The following FAM168A variants were observed in gnomAD, a reference collection of about 807,000 sequenced individuals.
FAM168A encodes family with sequence similarity 168 member A, also known as protein FAM168A.
In FAM168A, 3 loss-of-function variants were observed where a neutral mutation model predicts 28.5. The observed-to-expected ratio is 0.11, with a 90% CI of 0.05 to 0.27. FAM168A has a LOEUF of 0.27. Among genes scored for constraint, FAM168A ranks in the 10% least tolerant of loss-of-function variants. FAM168A has a pLI of 1.00. For synonymous variants in FAM168A, 122 were observed against 124.2 expected (o/e 0.98, Z 0.12); for missense variants, 222 against 311.5 (o/e 0.71, Z 2.16).
chr11:73,584,523 G>T (rs1944285775), intron 1 of FAM168A, among the ~76,000 whole-genome samples: 1 of 147,736 alleles, frequency 6.8e-6, no homozygotes, highest in African/African-American at 2.5e-5. Context: ...ACCCAGGCTG[G>T]AGTGCAGTGG....
chr11:73,571,402 T>C (rs920821817), intron 1 of FAM168A, among the ~76,000 whole-genome samples: 15 of 151,704 alleles, frequency 9.9e-5, no homozygotes, highest in African/African-American at 2.9e-4. Flanking sequence ...CGCGCCGCCA[T>C]GCCTGACTGG....
chr11:73,409,707 T>C (rs373487023), intron 5 of FAM168A, 46 bp from the exon 6 acceptor site: 9 of 1,560,044 alleles, frequency 5.8e-6, no homozygotes, highest in African/African-American at 1.4e-5. Context: ...GAGAGGTAGG[T>C]GGGATATGGA....
chr11:73,580,453 C>A (rs1381843220), intron 1 of FAM168A: 2 of 620,834 alleles, frequency 3.2e-6, no homozygotes, highest in African/African-American at 3.7e-5. Flanking sequence ...ATGGGGATAA[C>A]CCTACAGAAA....
rs926471266 is a variant in FAM168A, at chr11:73,573,114, G to C, written c.-19+24809C>G. ...GATACATCAATGTGCTCACCTGAGA[G>C]ACACCACTGGATTCATGCACAATAA... On this transcript the variant is annotated intron_variant, in intron 1 of 7. Transcript: ENST00000356467. Among the ~76,000 whole-genome samples, 5 of 152,208 alleles carry C rather than the reference G, an allele frequency of 3.3e-5. No individual in the cohort carries two copies. The South Asian group carries it at 1.0e-3, about 31-fold the overall frequency.
chr11:73,482,180 C>CA (rs1867976044), intron 1 of FAM168A, among the ~76,000 whole-genome samples: 3 of 112,572 alleles, frequency 2.7e-5, no homozygotes, highest in Non-Finnish European at 3.5e-5. Context: ...CATCCAACAG[C>CA]CTTTTTTTTT....
chr11:73,508,181 A>G (rs1855152155), intron 1 of FAM168A, among the ~76,000 whole-genome samples: 1 of 152,192 alleles, frequency 6.6e-6, no homozygotes, highest in Non-Finnish European at 1.5e-5. Flanking sequence ...AGTACTCAAT[A>G]AAAAGGAGCA....
intron 2 of FAM168A, among the ~76,000 whole-genome samples, chr11:73,466,291 T>A (rs1484293630): frequency 6.6e-6 from 1 of 152,188 alleles, no homozygotes; most frequent in African/African-American, 2.4e-5. Context: ...CTTTAGTTTA[T>A]CATGGGGAAG....
At chr11:73,484,495 A>G (rs1324456834) in intron 1 of FAM168A, among the ~76,000 whole-genome samples, 1 of 113,870 alleles carries the variant, frequency 8.8e-6, no homozygotes, top group East Asian at 2.6e-4. Flanking sequence ...GGCAGAACTA[A>G]GAGGAGAGAG....
At chr11:73,430,311 GGTGTGTGGGTGTGTGTGTGTCCCAAGGT>G (rs1473824279) in intron 3 of FAM168A, 8 of 260,062 alleles carry the variant, frequency 3.1e-5, no homozygotes, top group African/African-American at 1.7e-4. Flanking sequence ...TGTCCCAAGG[GGTGTGTGGGTGTGTGTGTGTCCCAAGGT>G]GTGTGTGTGT....
At chr11:73,588,074 A>G (rs2134744105) in intron 1 of FAM168A, among the ~76,000 whole-genome samples, 1 of 152,300 alleles carries the variant, frequency 6.6e-6, no homozygotes, top group African/African-American at 2.4e-5. Context: ...TCTGCTGCAT[A>G]TTAAGGTACA....
At chr11:73,471,592 A>T (rs1590801366) in intron 1 of FAM168A, among the ~76,000 whole-genome samples, 1 of 152,214 alleles carries the variant, frequency 6.6e-6, no homozygotes, top group South Asian at 2.1e-4. Flanking sequence ...ACTCTTTCAC[A>T]GAGTATACAA....
At chr11:73,502,146 G>A (rs1403343135) in intron 1 of FAM168A, among the ~76,000 whole-genome samples, 4 of 130,262 alleles carry the variant, frequency 3.1e-5, no homozygotes, top group Non-Finnish European at 6.7e-5. Flanking sequence ...AAATAACTAA[G>A]ATCAGAGAAG....
intron 2 of FAM168A, among the ~76,000 whole-genome samples, chr11:73,450,947 TTAGACCAGC>T (rs1412056722): frequency 3.9e-5 from 6 of 152,332 alleles, no homozygotes; most frequent in Middle Eastern, 3.4e-3. Context: ...AAAAAAACTC[TTAGACCAGC>T]TTTTTCCACA....
intron 1 of FAM168A, among the ~76,000 whole-genome samples, chr11:73,530,334 C>A (rs746436797): frequency 2.8e-5 from 4 of 143,654 alleles, no homozygotes; most frequent in Admixed American, 1.3e-4. Flanking sequence ...CCCAGTGGAG[C>A]GAGTGGCTAT....
chr11:73,591,867 A>G, intron 1 of FAM168A, among the ~76,000 whole-genome samples: 1 of 152,182 alleles, frequency 6.6e-6, no homozygotes, highest in East Asian at 1.9e-4. Context: ...CACATGACCA[A>G]CCTAAGAACT....
intron 1 of FAM168A, among the ~76,000 whole-genome samples, chr11:73,508,409 C>T (rs919111050): frequency 3.9e-5 from 6 of 152,190 alleles, no homozygotes; most frequent in African/African-American, 1.2e-4. Context: ...ATCTTTAATA[C>T]ACAATAAAAT....
chr11:73,484,206 A>T (rs568077233), intron 1 of FAM168A, among the ~76,000 whole-genome samples: 19 of 152,284 alleles, frequency 1.2e-4, no homozygotes, highest in African/African-American at 3.6e-4. Flanking sequence ...ATTTTAACAG[A>T]TGTTTAATGT....
intron 3 of FAM168A, among the ~76,000 whole-genome samples, chr11:73,426,717 G>C (rs1394920543): frequency 1.3e-5 from 2 of 151,754 alleles, no homozygotes; most frequent in Admixed American, 6.6e-5. Flanking sequence ...GTGTGTGTGT[G>C]TGTGTGTGTG....
At chr11:73,587,152 TA>T (rs1158411875) in intron 1 of FAM168A, among the ~76,000 whole-genome samples, 825 of 81,370 alleles carry the variant, frequency 0.01, 4 homozygotes, top group South Asian at 0.016. Flanking sequence ...ATGGACATGT[TA>T]AAAAAAAAAA....
Sources: allele counts gnomAD v4.1 joint callset (sites outside exome capture counted in the v4.1 genomes callset), GRCh38; gene constraint gnomAD v4.1.1; transcripts MANE v1.5; gene names NCBI Gene and HGNC (gene_info 2026-07-23, HGNC 2026-07-21).